AK4: variants seen among roughly 807,000 people sequenced by gnomAD.
AK4 encodes the protein adenylate kinase 4, also known as adenylate kinase 4, mitochondrial.
Under a neutral mutation model 24.6 loss-of-function variants are expected in AK4, and 13 were observed. That is an observed-to-expected ratio of 0.53 (90% CI 0.34 to 0.84). AK4 has a LOEUF of 0.84. Ranked by LOEUF, AK4 falls within the 40% of genes least tolerant of loss-of-function variation. The pLI is 0.01. For synonymous variants in AK4, 88 were observed against 107.0 expected (o/e 0.82, Z 1.10); for missense variants, 192 against 288.2 (o/e 0.67, Z 2.42).
At chr1:65,198,599 C>T (rs1015822238) in intron 2 of AK4, among the ~76,000 whole-genome samples, 1 of 152,008 alleles carries the variant, frequency 6.6e-6, no homozygotes. Flanking sequence ...TGAGGTGTTC[C>T]AAGAGGTAAG....
intron 2 of AK4, among the ~76,000 whole-genome samples, chr1:65,216,990 T>C (rs1652153120): frequency 6.6e-6 from 1 of 152,242 alleles, no homozygotes; most frequent in African/African-American, 2.4e-5. Context: ...TGTGAGCGAC[T>C]GTGCCTGGCC....
At chr1:65,215,495 C>T (rs983731743) in intron 2 of AK4, among the ~76,000 whole-genome samples, 3 of 152,022 alleles carry the variant, frequency 2.0e-5, no homozygotes, top group African/African-American at 7.2e-5. Flanking sequence ...TTGAGTCTTC[C>T]TTGGTGATTT....
chr1:65,224,832 G>C lies in AK4; in HGVS notation c.519G>C (p.Gln173His). ...AAGCAGTTGCTGCCAGGCTAAGACAGTACAAAGACGTGGCAAAGCCAGTCA... is the reference window on the plus strand; with the variant it reads ...AAGCAGTTGCTGCCAGGCTAAGACACTACAAAGACGTGGCAAAGCCAGTCA... The part of the protein sequence containing the change: ...KPEAVAARLR[Q>H]YKDVAKPVIE... Residue 173 changes from glutamine to histidine, a missense_variant, in exon 4 of 5, where the codon CAG becomes CAC. Gln to His is a conservative substitution (Grantham distance 24). Transcript: ENST00000327299. The C allele has an allele frequency of 1.9e-6, 3 of 1,613,970 alleles. No individual in the cohort carries two copies. Among genetic ancestry groups the C allele is most frequent in the Non-Finnish European group, 2.5e-6 (3 of 1,179,906 alleles).
chr1:65,226,357 C>G lies in AK4; in HGVS notation c.*180C>G, dbSNP rs1469174063. ...AGTTCATGAAGAGGCCCTCCTCTGC[C>G]TTTCAAAAGGCTGGTCACCTACACA... is the stretch of plus-strand genomic sequence containing the variant. On this transcript the variant is annotated 3_prime_UTR_variant, in exon 5 of 5. Transcript: ENST00000327299. 1.2e-5 allele frequency: 11 copies of G among 887,178 alleles called. No homozygotes were observed. The African/African-American group carries it at 1.4e-4, about 11-fold the overall frequency. The allele number at this position is 887,178 out of a possible 1,614,324, so 55.0% of individuals were successfully genotyped here. A position where few individuals can be genotyped will look rare whatever the true frequency, so the allele number is the denominator to read the frequency against.
intron 2 of AK4, among the ~76,000 whole-genome samples, chr1:65,206,063 G>A (rs1347854199): frequency 1.3e-5 from 2 of 152,098 alleles, no homozygotes; most frequent in African/African-American, 4.8e-5. Flanking sequence ...GGTCTGTCTT[G>A]TACCATTCTG....
At chr1:65,213,469 A>T (rs1274559052) in intron 2 of AK4, among the ~76,000 whole-genome samples, 1 of 151,796 alleles carries the variant, frequency 6.6e-6, no homozygotes. Context: ...AGCACCAGGG[A>T]CTCCCCAAGC....
At chr1:65,172,855 A>ATTTTTTTT (rs11408059) in intron 1 of AK4, among the ~76,000 whole-genome samples, 24 of 110,918 alleles carry the variant, frequency 2.2e-4, no homozygotes, top group Admixed American at 5.4e-4. Flanking sequence ...CCAGCAAGAG[A>ATTTTTTTT]TTTTTTTTTT....
At chr1:65,218,393 G>A (rs535977075) in intron 2 of AK4, among the ~76,000 whole-genome samples, 2 of 152,266 alleles carry the variant, frequency 1.3e-5, no homozygotes, top group East Asian at 1.9e-4. Flanking sequence ...TTAGTTTAGC[G>A]CATTTTAAAT....
intron 2 of AK4, among the ~76,000 whole-genome samples, chr1:65,204,173 A>G (rs1357847562): frequency 6.6e-6 from 1 of 151,842 alleles, no homozygotes; most frequent in Non-Finnish European, 1.5e-5. Context: ...CAGACTTTAT[A>G]TGCTTTAAAA....
chr1:65,210,509 A>T (rs1192835099), intron 2 of AK4, among the ~76,000 whole-genome samples: 1 of 151,914 alleles, frequency 6.6e-6, no homozygotes, highest in Admixed American at 6.6e-5. Context: ...AGAAGTCTCC[A>T]CTTTCTGTAT....
At position 65,227,128 on chromosome 1, in the gene AK4, T is replaced by C. The variant is rs1652490478; in HGVS notation, c.*951T>C. 7.1e-6 allele frequency: 1 copy of C among 141,288 alleles called. No homozygotes were observed. The highest frequency in any genetic ancestry group is 1.5e-5 in the Non-Finnish European group (1 of 65,710). 8.8% of individuals were successfully genotyped at this position (141,288 alleles called of 1,614,324 possible). On this transcript the variant is annotated 3_prime_UTR_variant, in exon 5 of 5. Coordinates refer to ENST00000327299, the MANE Select transcript of AK4 (RefSeq NM_013410.4). ...ACATAAATGTTGTAAGATCATATCT[T>C]ATGTATAGAAGTAATAAGACCATTT...
intron 1 of AK4, among the ~76,000 whole-genome samples, chr1:65,158,100 A>G (rs1315713337): frequency 3.9e-5 from 6 of 152,124 alleles, no homozygotes; most frequent in Non-Finnish European, 8.8e-5. Context: ...AAGGGTTATC[A>G]TGCCTGCCCC....
intron 2 of AK4, among the ~76,000 whole-genome samples, chr1:65,215,034 C>T (rs552837040): frequency 2.0e-5 from 3 of 152,188 alleles, no homozygotes; most frequent in South Asian, 2.1e-4. Context: ...TTTGGTGGTT[C>T]GTCATGAATC....
chr1:65,187,063 A>G (rs1290441257), intron 1 of AK4, among the ~76,000 whole-genome samples: 2 of 152,208 alleles, frequency 1.3e-5, no homozygotes, highest in East Asian at 1.9e-4. Flanking sequence ...TCCATTTATA[A>G]GAAGTGTCCA....
intron 3 of AK4, among the ~76,000 whole-genome samples, chr1:65,220,580 A>AT (rs1207675625): frequency 6.6e-6 from 1 of 151,984 alleles, no homozygotes; most frequent in Non-Finnish European, 1.5e-5. Flanking sequence ...GGTTCAAGTG[A>AT]TTTTTCTGCC....
intron 1 of AK4, among the ~76,000 whole-genome samples, chr1:65,149,359 G>A (rs934142541): frequency 1.3e-5 from 2 of 152,226 alleles, no homozygotes; most frequent in African/African-American, 2.4e-5. Context: ...ACGGGGTTGA[G>A]TGCGTCCCTT....
At chr1:65,174,025 T>C (rs941670411) in intron 1 of AK4, among the ~76,000 whole-genome samples, 2 of 152,060 alleles carry the variant, frequency 1.3e-5, no homozygotes, top group Non-Finnish European at 2.9e-5. Flanking sequence ...TGCCTGCCCC[T>C]CCCCTGGCTT....
chr1:65,163,459 C>T (rs537478065), intron 1 of AK4, among the ~76,000 whole-genome samples: 1 of 152,326 alleles, frequency 6.6e-6, no homozygotes, highest in East Asian at 1.9e-4. Flanking sequence ...TTGGTTACAG[C>T]TCGGCATTTG....
At chr1:65,219,000 G>A in intron 3 of AK4, 74 bp downstream of exon 3, 1 of 1,232,168 alleles carries the variant, frequency 8.1e-7, no homozygotes, top group Non-Finnish European at 1.1e-6. Context: ...GTGGAGAAAA[G>A]GATATGAGTA....
Sources: gnomAD v4.1 joint callset for allele counts (sites outside exome capture counted in the v4.1 genomes callset) on GRCh38, gnomAD v4.1.1 for gene constraint, MANE v1.5 for transcripts, NCBI Gene and HGNC (gene_info 2026-07-23, HGNC 2026-07-21) for gene names.